SEMA3A: variants seen among roughly 807,000 people sequenced by gnomAD.
SEMA3A encodes the protein semaphorin-3A.
A neutral mutation model predicts 97.9 loss-of-function variants in SEMA3A; 29 were observed. The ratio of observed to expected loss-of-function variants is 0.30; its 90% CI spans 0.22 to 0.40. The LOEUF is 0.40. Among genes scored for constraint, SEMA3A ranks in the 10% least tolerant of loss-of-function variants. The pLI is 1.00. For synonymous variants in SEMA3A, 321 were observed against 323.7 expected, an observed-to-expected ratio of 0.99 and a Z score of 0.09; for missense variants, 763 against 951.3, an observed-to-expected ratio of 0.80 and a Z score of 2.60.
intron 2 of SEMA3A, among the ~76,000 whole-genome samples, chr7:84,333,551 A>G (rs1341689274): frequency 6.6e-6 from 1 of 152,172 alleles, no homozygotes; most frequent in Non-Finnish European, 1.5e-5. Flanking sequence ...TCAAAATTTC[A>G]AACTGTTCTA....
intron 1 of SEMA3A, among the ~76,000 whole-genome samples, chr7:84,192,183 G>T (rs1010921589): frequency 1.3e-5 from 2 of 151,924 alleles, no homozygotes; most frequent in African/African-American, 2.4e-5. Context: ...TGTTTTAACT[G>T]TGTTTGACAT....
intron 3 of SEMA3A, among the ~76,000 whole-genome samples, chr7:84,268,514 A>G (rs1800068634): frequency 6.6e-6 from 1 of 151,870 alleles, no homozygotes; most frequent in African/African-American, 2.4e-5. Flanking sequence ...CCTAAAGCAA[A>G]CCCTGTTCCT....
chr7:84,266,562 G>A (rs1430131704), intron 3 of SEMA3A, among the ~76,000 whole-genome samples: 2 of 151,928 alleles, frequency 1.3e-5, no homozygotes, highest in Admixed American at 1.3e-4. Context: ...CATCCAGAGA[G>A]AAAGGTGTAC....
At chr7:84,184,213 C>T (rs1313135990) in intron 1 of SEMA3A, among the ~76,000 whole-genome samples, 1 of 152,054 alleles carries the variant, frequency 6.6e-6, no homozygotes, top group Non-Finnish European at 1.5e-5. Flanking sequence ...CATTTAGTCT[C>T]ATTTTGTTAT....
intron 1 of SEMA3A, among the ~76,000 whole-genome samples, chr7:84,460,693 A>C (rs558782043): frequency 3.1e-4 from 47 of 152,324 alleles, no homozygotes; most frequent in African/African-American, 9.6e-4. Context: ...AGTGTTTTAC[A>C]TTTTAACCAA....
intron 3 of SEMA3A, among the ~76,000 whole-genome samples, chr7:84,267,272 C>A (rs991272261): frequency 6.6e-6 from 1 of 152,088 alleles, no homozygotes. Context: ...AGAAGGAATA[C>A]TCAACCTGAA....
intron 1 of SEMA3A, among the ~76,000 whole-genome samples, chr7:84,381,481 C>G (rs528560715): frequency 1.3e-5 from 2 of 152,128 alleles, no homozygotes; most frequent in African/African-American, 4.8e-5. Context: ...ATGTCTTCTG[C>G]AAAACAGTCT....
chr7:84,105,191 G>A (rs542578882), intron 4 of SEMA3A, among the ~76,000 whole-genome samples: 5 of 152,264 alleles, frequency 3.3e-5, no homozygotes, highest in South Asian at 2.1e-4. Flanking sequence ...TCTCAGTTCC[G>A]TACCAATTCG....
chr7:84,181,006 G>C (rs1313854046), intron 1 of SEMA3A, among the ~76,000 whole-genome samples: 2 of 151,956 alleles, frequency 1.3e-5, no homozygotes, highest in East Asian at 3.9e-4. Flanking sequence ...TAAAAAATTG[G>C]GAGTACAATA....
At chr7:84,313,485 T>C (rs929755621) in intron 2 of SEMA3A, among the ~76,000 whole-genome samples, 1 of 148,282 alleles carries the variant, frequency 6.7e-6, no homozygotes, top group African/African-American at 2.5e-5. Context: ...TTTGGAACCT[T>C]CCTAATGTTT....
At chr7:84,474,425 T>C (rs1229701092) in intron 1 of SEMA3A, among the ~76,000 whole-genome samples, 1 of 152,056 alleles carries the variant, frequency 6.6e-6, no homozygotes, top group Non-Finnish European at 1.5e-5. Flanking sequence ...TTTGACAGTA[T>C]GTTGAGGACT....
intron 2 of SEMA3A, among the ~76,000 whole-genome samples, chr7:84,325,131 CTATCTATCTATCTATCT>C (rs1302574688): frequency 1.1e-5 from 1 of 90,336 alleles, no homozygotes; most frequent in Non-Finnish European, 2.6e-5. Context: ...ATCTATCTAT[CTATCTATCTATCTATCT>C]ATCTATCTAT....
intron 6 of SEMA3A, among the ~76,000 whole-genome samples, chr7:84,039,499 A>C (rs954728321): frequency 2.0e-5 from 3 of 152,148 alleles, no homozygotes; most frequent in African/African-American, 7.2e-5. Context: ...GCAAATGGTA[A>C]GGCTATATGA....
intron 3 of SEMA3A, among the ~76,000 whole-genome samples, chr7:84,267,992 T>C (rs1350889273): frequency 1.3e-5 from 2 of 152,142 alleles, no homozygotes; most frequent in African/African-American, 4.8e-5. Flanking sequence ...ATGCAAAGTT[T>C]ATTTGAATTA....
intron 5 of SEMA3A, among the ~76,000 whole-genome samples, chr7:84,059,519 T>A (rs1451964169): frequency 6.6e-6 from 1 of 152,068 alleles, no homozygotes; most frequent in East Asian, 1.9e-4. Context: ...TATAAACTTA[T>A]GACATATCAG....
At chr7:84,240,019 A>G (rs566874452) in intron 3 of SEMA3A, among the ~76,000 whole-genome samples, 1 of 152,182 alleles carries the variant, frequency 6.6e-6, no homozygotes, top group Non-Finnish European at 1.5e-5. Flanking sequence ...GTATCCTATA[A>G]ATTTTTAAGT....
intron 1 of SEMA3A, among the ~76,000 whole-genome samples, chr7:84,396,369 C>T (rs542568109): frequency 6.6e-6 from 1 of 151,508 alleles, no homozygotes; most frequent in Non-Finnish European, 1.5e-5. Flanking sequence ...ATAATAGTAA[C>T]TATAGTCGTA....
intron 4 of SEMA3A, among the ~76,000 whole-genome samples, chr7:84,105,071 A>G (rs1237801638): frequency 6.6e-6 from 1 of 152,094 alleles, no homozygotes; most frequent in East Asian, 1.9e-4. Flanking sequence ...GACTTTTCTC[A>G]CTGAGGCTAG....
At chr7:84,121,725 G>A (rs1795623955) in intron 3 of SEMA3A, among the ~76,000 whole-genome samples, 1 of 35,990 alleles carries the variant, frequency 2.8e-5, no homozygotes, top group Admixed American at 4.1e-4. Flanking sequence ...TGCAAGCTCC[G>A]CCTCCCGGGT....
Sources: gnomAD v4.1 joint callset for allele counts (sites outside exome capture counted in the v4.1 genomes callset) on GRCh38, gnomAD v4.1.1 for gene constraint, MANE v1.5 for transcripts, NCBI Gene and HGNC (gene_info 2026-07-23, HGNC 2026-07-21) for gene names.